MAP3K13: variants seen among roughly 807,000 people sequenced by gnomAD.
The protein encoded by MAP3K13 is mitogen-activated protein kinase kinase kinase 13.
Under a neutral mutation model 104.0 loss-of-function variants are expected in MAP3K13, and 52 were observed. That is an observed-to-expected ratio of 0.50 (90% CI 0.40 to 0.63). The LOEUF is 0.63. MAP3K13 is among the 20% of genes least tolerant of loss of function. The pLI is 0.00. For synonymous variants in MAP3K13, 394 were observed against 442.2 expected, an observed-to-expected ratio of 0.89 and a Z score of 1.37; for missense variants, 914 against 1,218.5, an observed-to-expected ratio of 0.75 and a Z score of 3.72.
chr3:185,474,551 G>A (rs1020741027), intron 11 of MAP3K13, among the ~76,000 whole-genome samples: 4 of 152,150 alleles, frequency 2.6e-5, no homozygotes, highest in African/African-American at 9.7e-5. Flanking sequence ...GTTTAACCGA[G>A]CATTTCCCTC....
intron 2 of MAP3K13, among the ~76,000 whole-genome samples, chr3:185,349,228 C>T (rs1723048503): frequency 1.3e-5 from 2 of 151,888 alleles, no homozygotes; most frequent in African/African-American, 4.8e-5. Flanking sequence ...ACCCATCATG[C>T]TAATATTGAA....
At chr3:185,406,737 T>C (rs551792145) in intron 1 of MAP3K13, among the ~76,000 whole-genome samples, 1 of 152,374 alleles carries the variant, frequency 6.6e-6, no homozygotes, top group South Asian at 2.1e-4. Context: ...GTAAGGATTT[T>C]GTGATTTTTC....
intron 2 of MAP3K13, chr3:185,329,303 C>T: frequency 1.4e-6 from 1 of 699,030 alleles, no homozygotes; most frequent in African/African-American, 1.7e-5. Flanking sequence ...TTAGATTTAT[C>T]CTCATGTTCT....
intron 1 of MAP3K13, among the ~76,000 whole-genome samples, chr3:185,284,752 A>G (rs1720447660): frequency 6.7e-6 from 1 of 149,240 alleles, no homozygotes; most frequent in Non-Finnish European, 1.5e-5. Context: ...ATAAATAAAT[A>G]AAATTTAAAA....
intron 2 of MAP3K13, 35 bp downstream of exon 2, chr3:185,429,091 G>GT: frequency 6.3e-7 from 1 of 1,584,244 alleles, no homozygotes; most frequent in Non-Finnish European, 8.6e-7. Flanking sequence ...GATATTTCTT[G>GT]TGTAAACACA....
intron 1 of MAP3K13, among the ~76,000 whole-genome samples, chr3:185,397,562 C>T (rs546313928): frequency 6.6e-6 from 1 of 152,168 alleles, no homozygotes; most frequent in Non-Finnish European, 1.5e-5. Flanking sequence ...TATAGATAAA[C>T]TTATTTCTAT....
At chr3:185,331,763 T>A (rs1722291679) in intron 2 of MAP3K13, among the ~76,000 whole-genome samples, 1 of 152,196 alleles carries the variant, frequency 6.6e-6, no homozygotes, top group Non-Finnish European at 1.5e-5. Context: ...TCAGCTCCCA[T>A]TCAGGGTCCC....
chr3:185,357,910 C>T (rs1032031701), intron 2 of MAP3K13, among the ~76,000 whole-genome samples: 3 of 152,096 alleles, frequency 2.0e-5, no homozygotes, highest in Non-Finnish European at 2.9e-5. Context: ...ATAGTTAAGT[C>T]TAATTAACTC....
chr3:185,354,115 G>A (rs1242728807), intron 2 of MAP3K13, among the ~76,000 whole-genome samples: 1 of 152,076 alleles, frequency 6.6e-6, no homozygotes, highest in African/African-American at 2.4e-5. Context: ...TCTAGGAAGA[G>A]CGGCTCTTGG....
chr3:185,477,025 T>G (rs1001395462), intron 11 of MAP3K13: 1 of 510,318 alleles, frequency 2.0e-6, no homozygotes, highest in African/African-American at 1.9e-5. Flanking sequence ...CTCTCCAACT[T>G]CCCTCTCCAT....
intron 1 of MAP3K13, among the ~76,000 whole-genome samples, chr3:185,393,887 A>G (rs1000576775): frequency 6.6e-6 from 1 of 152,122 alleles, no homozygotes; most frequent in Non-Finnish European, 1.5e-5. Context: ...GCCCATTTCA[A>G]AGTCTTTCAA....
chr3:185,295,197 TTTG>T (rs570972864), intron 2 of MAP3K13, among the ~76,000 whole-genome samples: 10 of 151,868 alleles, frequency 6.6e-5, no homozygotes, highest in East Asian at 3.9e-4. Flanking sequence ...TGTTGTTGTT[TTTG>T]TTGTTGTTGT....
chr3:185,460,077 G>A (rs1717010507), intron 7 of MAP3K13, among the ~76,000 whole-genome samples: 1 of 151,900 alleles, frequency 6.6e-6, no homozygotes, highest in African/African-American at 2.4e-5. Flanking sequence ...AATATTCCAT[G>A]GTATATATAC....
rs1715842692 is a variant in MAP3K13, at chr3:185,450,898, G to A, written c.1170-389G>A. On this transcript the variant is annotated intron_variant, in intron 6 of 13. Coordinates refer to ENST00000265026, the MANE Select transcript of MAP3K13 (RefSeq NM_004721.5). This position sits in a 1 kb window ranked among gnomAD's most constrained non-coding sequence, Gnocchi z 4.2. ...AGGTCAGGAGATCGAGACCATCCTG[G>A]TTAACACGATGAAACCCCGTCTCTA... Among the ~76,000 whole-genome samples, 1 of 152,206 alleles carries A rather than the reference G, an allele frequency of 6.6e-6. No individual in the cohort carries two copies. The highest frequency in any genetic ancestry group is 2.1e-4 in the South Asian group (1 of 4,832).
chr3:185,419,565 T>C (rs1443099212), intron 1 of MAP3K13, among the ~76,000 whole-genome samples: 1 of 152,178 alleles, frequency 6.6e-6, no homozygotes, highest in East Asian at 1.9e-4. Flanking sequence ...TTAAACATAA[T>C]TTCTTAAAAT....
intron 2 of MAP3K13, among the ~76,000 whole-genome samples, chr3:185,347,311 A>T (rs1722966111): frequency 6.6e-6 from 1 of 152,146 alleles, no homozygotes; most frequent in African/African-American, 2.4e-5. Flanking sequence ...TATTGGACAG[A>T]CTACAGATTA....
chr3:185,396,517 A>C (rs575553640), intron 1 of MAP3K13, among the ~76,000 whole-genome samples: 1 of 152,296 alleles, frequency 6.6e-6, no homozygotes, highest in East Asian at 1.9e-4. Flanking sequence ...AATTTTCCTC[A>C]AAGAAAGATC....
chr3:185,437,091 G>T (rs531296014), intron 2 of MAP3K13, among the ~76,000 whole-genome samples: 2 of 149,212 alleles, frequency 1.3e-5, no homozygotes, highest in Middle Eastern at 7.1e-3. Flanking sequence ...AAATAACACC[G>T]ATAGTGGGTG....
chr3:185,423,953 A>T lies in MAP3K13; in HGVS notation c.-85-4544A>T, dbSNP rs1243048751. Among the ~76,000 whole-genome samples, 1 of 151,952 alleles carries T rather than the reference A, an allele frequency of 6.6e-6. No individual in the cohort carries two copies. Among genetic ancestry groups the T allele is most frequent in the Admixed American group, 6.6e-5 (1 of 15,248 alleles). ...GCCTTACCTTTAAAGGTCCATCTCA[A>T]ATCCTACCTCTTTTAGCATTGTTCC... On this transcript the variant is annotated intron_variant, in intron 1 of 13. Transcript: ENST00000265026. The surrounding 1 kb of genome is among the most constrained non-coding windows in gnomAD (Gnocchi z 4.1).
Sources: allele counts gnomAD v4.1 joint callset (sites outside exome capture counted in the v4.1 genomes callset), GRCh38; gene constraint gnomAD v4.1.1; non-coding constraint Gnocchi (gnomAD v3.1); transcripts MANE v1.5; gene names NCBI Gene and HGNC (gene_info 2026-07-23, HGNC 2026-07-21).